C19orf47: variants seen among roughly 807,000 people sequenced by gnomAD.
C19orf47 encodes the protein chromosome 19 open reading frame 47.
In C19orf47, 18 loss-of-function variants were observed where a neutral mutation model predicts 32.3. The observed-to-expected ratio is 0.56, with a 90% CI of 0.39 to 0.83. C19orf47 has a LOEUF of 0.83. Among genes scored for constraint, C19orf47 ranks in the 40% least tolerant of loss-of-function variants. The pLI is 0.00. For synonymous variants in C19orf47, 202 were observed against 211.1 expected (o/e 0.96, Z 0.37); for missense variants, 484 against 531.6 (o/e 0.91, Z 0.88).
intron 6 of C19orf47, among the ~76,000 whole-genome samples, chr19:40,327,958 C>T (rs969701963): frequency 2.0e-5 from 3 of 152,134 alleles, no homozygotes; most frequent in Admixed American, 1.3e-4. Context: ...TGGGGAGCCC[C>T]GGAGAGTTAC....
In C19orf47 at chr19:40,332,394, C is replaced by T. The variant is rs2077972931; in HGVS notation, c.301+1457G>A. The T allele has an allele frequency of 2.6e-5, 4 of 151,876 alleles. No individual in the cohort carries two copies. The South Asian group carries it at 6.2e-4, about 24-fold the overall frequency. 9.4% of individuals were successfully genotyped at this position (151,876 alleles called of 1,614,324 possible). A position where few individuals can be genotyped will look rare whatever the true frequency, so the allele number is the denominator to read the frequency against. ...GGTCAGGTGCAGTGGTGGCTCACGC[C>T]TATAACCCCAGCACTTTGGGAGGCT... On this transcript the variant is annotated intron_variant, in intron 5 of 8. Coordinates refer to ENST00000683109, the MANE Select transcript of C19orf47 (RefSeq NM_001256441.2).
chr19:40,332,839 A>G (rs910429973), intron 5 of C19orf47, among the ~76,000 whole-genome samples: 1 of 152,178 alleles, frequency 6.6e-6, no homozygotes, highest in Non-Finnish European at 1.5e-5. Flanking sequence ...CCAAATGAGG[A>G]CAAAGAAGGC....
chr19:40,336,110 C>A lies in C19orf47; in HGVS notation c.222G>T (p.Gln74His). 2 of 1,614,048 alleles carry A rather than the reference C, an allele frequency of 1.2e-6. No individual in the cohort carries two copies. Among genetic ancestry groups the A allele is most frequent in the Non-Finnish European group, 1.7e-6 (2 of 1,179,916 alleles). ...CAGAGGGGCTGGGCACAGCACCCAC[C>A]TGACGGTGCACCACTTTGGCATGCT... is the stretch of plus-strand genomic sequence containing the variant. ...ILKHAKVVHR[Q>H]DMCKAATESV... The change falls in exon 4 of 9, where the codon CAG becomes CAT. Residue 74 changes from glutamine (Q) to histidine (H), a missense_variant and splice_region_variant. Around this residue, in one of 3 missense-constraint regions of C19orf47, gnomAD observed 376 missense variants for 370.2 expected, o/e 1.02. Coordinates refer to ENST00000683109, the MANE Select transcript of C19orf47 (RefSeq NM_001256441.2).
At chr19:40,311,145 G>A in the C19orf47 span, among the ~76,000 whole-genome samples, 1 of 152,116 alleles carries the variant, frequency 6.6e-6, no homozygotes, top group Non-Finnish European at 1.5e-5. Context: ...GGGAGGCCGA[G>A]GCGGGCGGAT....
At chr19:40,333,752 C>A in intron 5 of C19orf47, 99 bp downstream of exon 5, 1 of 993,350 alleles carries the variant, frequency 1.0e-6, no homozygotes. Flanking sequence ...TTGTTTCTAC[C>A]TTTGAAAATT....
chr19:40,302,334 G>A, the C19orf47 span, among the ~76,000 whole-genome samples: 1 of 152,038 alleles, frequency 6.6e-6, no homozygotes, highest in Non-Finnish European at 1.5e-5. Flanking sequence ...GTAGGATCAC[G>A]GCTCACTGCA....
At chr19:40,293,674 G>C in the C19orf47 span, among the ~76,000 whole-genome samples, 1 of 150,494 alleles carries the variant, frequency 6.6e-6, no homozygotes, top group Non-Finnish European at 1.5e-5. Context: ...CCATGTTGAT[G>C]AGGCTGGTCT....
chr19:40,348,457 C>G, upstream of C19orf47: 1 of 1,501,424 alleles, frequency 6.7e-7, no homozygotes, highest in Non-Finnish European at 8.8e-7. Context: ...TGAACTGACT[C>G]GTCCGCGGCC....
At chr19:40,347,536 GA>G (rs957704275) in intron 1 of C19orf47, among the ~76,000 whole-genome samples, 62 of 142,634 alleles carry the variant, frequency 4.3e-4, no homozygotes, top group East Asian at 2.0e-4. Flanking sequence ...CCGTCTCAAA[GA>G]AAAAAAAAAG....
the C19orf47 span, among the ~76,000 whole-genome samples, chr19:40,304,798 C>T: frequency 6.6e-6 from 1 of 152,154 alleles, no homozygotes; most frequent in Non-Finnish European, 1.5e-5. Context: ...TACAGGGAAG[C>T]CATTTTTTGC....
At chr19:40,316,913 T>C (rs1204695294), downstream of C19orf47, among the ~76,000 whole-genome samples, 2 of 151,980 alleles carry the variant, frequency 1.3e-5, no homozygotes, top group Non-Finnish European at 2.9e-5. Flanking sequence ...AAGACACGTG[T>C]ATGCTTGTAC....
At chr19:40,335,758 C>T (rs1053772845) in intron 4 of C19orf47, among the ~76,000 whole-genome samples, 4 of 152,070 alleles carry the variant, frequency 2.6e-5, no homozygotes, top group Non-Finnish European at 5.9e-5. Context: ...TACAGGTGCC[C>T]GCCACCACGC....
downstream of C19orf47, among the ~76,000 whole-genome samples, chr19:40,317,599 C>T (rs2077670960): frequency 6.6e-6 from 1 of 151,970 alleles, no homozygotes. Context: ...CGGCTCAGGT[C>T]ACAAGGATGT....
chr19:40,306,939 G>C, the C19orf47 span, among the ~76,000 whole-genome samples: 5 of 151,396 alleles, frequency 3.3e-5, no homozygotes, highest in African/African-American at 1.2e-4. Flanking sequence ...ACAGGCGCCC[G>C]CCACCTAGCC....
chr19:40,344,891 C>A (rs2078243129), intron 1 of C19orf47, among the ~76,000 whole-genome samples: 1 of 152,168 alleles, frequency 6.6e-6, no homozygotes, highest in East Asian at 1.9e-4. Flanking sequence ...GGTCCAAGAT[C>A]ACACAGCAAA....
chr19:40,347,510 C>T (rs920017620), intron 1 of C19orf47, among the ~76,000 whole-genome samples: 1 of 151,016 alleles, frequency 6.6e-6, no homozygotes, highest in Admixed American at 6.6e-5. Flanking sequence ...CCAGCCTGGG[C>T]AACAAGAGCG....
At chr19:40,340,064 G>A (rs928927505) in intron 2 of C19orf47, among the ~76,000 whole-genome samples, 1 of 151,654 alleles carries the variant, frequency 6.6e-6, no homozygotes, top group African/African-American at 2.4e-5. Context: ...GAATGGAGAA[G>A]AGAGGGGAGT....
chr19:40,321,842 G>A lies in C19orf47; in HGVS notation c.*40C>T. ...GGAGCCTGGGGCGGCCAGGGCAGAT[G>A]CCCGCAGGCTCTGCTGCCTGCACCC... is the stretch of plus-strand genomic sequence containing the variant. On this transcript the variant is annotated 3_prime_UTR_variant, in exon 9 of 9. Transcript: ENST00000683109. 2.0e-6 allele frequency: 3 copies of A among 1,492,952 alleles called. No homozygotes were observed. Among genetic ancestry groups the A allele is most frequent in the South Asian group, 2.7e-5 (2 of 73,102 alleles). 92.5% of individuals were successfully genotyped at this position (1,492,952 alleles called of 1,614,324 possible).
the C19orf47 span, among the ~76,000 whole-genome samples, chr19:40,298,087 G>A: frequency 6.6e-6 from 1 of 151,638 alleles, no homozygotes; most frequent in Non-Finnish European, 1.5e-5. Context: ...TGGGAGAGCT[G>A]ACTTTGTCTA....
Sources: allele counts gnomAD v4.1 joint callset (sites outside exome capture counted in the v4.1 genomes callset), GRCh38; gene constraint gnomAD v4.1.1; regional missense constraint gnomAD v4.1.1; transcripts MANE v1.5; gene names NCBI Gene and HGNC (gene_info 2026-07-23, HGNC 2026-07-21).